The following AKAP13 variants were observed in gnomAD, a reference collection of about 807,000 sequenced individuals.
The protein encoded by AKAP13 is A-kinase anchor protein 13.
A neutral mutation model predicts 264.5 loss-of-function variants in AKAP13; 80 were observed. That is an observed-to-expected ratio of 0.30 (90% CI 0.25 to 0.36). AKAP13 has a LOEUF of 0.36. Ranked by LOEUF, AKAP13 falls within the 10% of genes least tolerant of loss-of-function variation. The probability of loss-of-function intolerance (pLI) is 1.00; values close to 1 mark genes in which losing one functional copy is unlikely to be tolerated. For synonymous variants in AKAP13, 1,380 were observed against 1,250.2 expected, an observed-to-expected ratio of 1.10 and a Z score of -2.19; for missense variants, 3,712 against 3,435.2, an observed-to-expected ratio of 1.08 and a Z score of -2.01.
rs1406263012 is a variant in AKAP13 at position 85,741,279 on chromosome 15, G to A, written c.7842G>A (p.Glu2614=). Reference sequence around the variant, plus strand: ...AAGCTCGTGAGAGGGAGCTGCGGGAGCGGGAGGCCCTCCTGGCCCAGCGCG... The same window carrying A: ...AAGCTCGTGAGAGGGAGCTGCGGGAACGGGAGGCCCTCCTGGCCCAGCGCG... The part of the protein sequence containing the change: ...EWEARERELR[E]REALLAQREE... Residue 2614 remains glutamate, a synonymous_variant, in exon 35 of 37, where the codon GAG becomes GAA. Coordinates refer to ENST00000394518, the MANE Select transcript of AKAP13 (RefSeq NM_007200.5). The A allele has an allele frequency of 1.2e-6, 2 of 1,610,512 alleles. No individual in the cohort carries two copies. Among genetic ancestry groups the A allele is most frequent in the South Asian group, 1.1e-5 (1 of 90,700 alleles).
intron 30 of AKAP13, among the ~76,000 whole-genome samples, chr15:85,733,173 C>T (rs921314752): frequency 6.6e-6 from 1 of 152,180 alleles, no homozygotes; most frequent in Non-Finnish European, 1.5e-5. Context: ...AGTCCATGAG[C>T]TCTTTCATGC....
chr15:85,489,745 A>T (rs2075671980), intron 2 of AKAP13, among the ~76,000 whole-genome samples: 1 of 152,232 alleles, frequency 6.6e-6, no homozygotes, highest in South Asian at 2.1e-4. Context: ...TTTTAATCAG[A>T]CTTTGAATAA....
In AKAP13 at chr15:85,680,926, T is replaced by C. The variant is rs369145562; in HGVS notation, c.5102-1232T>C. Among the ~76,000 whole-genome samples the C allele has an allele frequency of 1.9e-4, 29 of 152,338 alleles. No individual in the cohort carries two copies. In the East Asian group the frequency reaches 5.0e-3, roughly 26 times the overall value. On this transcript the variant is annotated intron_variant, in intron 14 of 36. Coordinates refer to ENST00000394518, the MANE Select transcript of AKAP13 (RefSeq NM_007200.5). ...TCGACCTCCTGGGTTCAAGCAATTCTCCTGCCTCAGCCTCCCGAGTAGCTG... is the reference window on the plus strand; with the variant it reads ...TCGACCTCCTGGGTTCAAGCAATTCCCCTGCCTCAGCCTCCCGAGTAGCTG...
rs369067184 is a variant in AKAP13, at chr15:85,655,793, A to G, written c.4745+6A>G. On this transcript the variant is annotated splice_donor_region_variant and intron_variant, in intron 11 of 36. Transcript: ENST00000394518. Reference sequence around the variant, plus strand: ...GCAGAAATGAACCACCGGAGGTGAGATGGGAGGCGGTTTGTTTAGTGTCTC... The same window carrying G: ...GCAGAAATGAACCACCGGAGGTGAGGTGGGAGGCGGTTTGTTTAGTGTCTC... 1.9e-6 allele frequency: 3 copies of G among 1,599,992 alleles called. No individual in the cohort carries two copies. The South Asian group carries it at 3.3e-5, about 18-fold the overall frequency.
chr15:85,575,424 A>G, intron 6 of AKAP13, 95 bp downstream of exon 6: 1 of 1,272,152 alleles, frequency 7.9e-7, no homozygotes, highest in South Asian at 1.3e-5. Flanking sequence ...ACCTTGATAT[A>G]ATTAGAACAT....
Position 85,533,559 on chromosome 15 carries a change from T to C in AKAP13, c.182-25T>C. On this transcript the variant is annotated intron_variant, in intron 3 of 36. Coordinates refer to ENST00000394518, the MANE Select transcript of AKAP13 (RefSeq NM_007200.5). ...CAGCAGTGAGGCTCTAATACTGTTTTATTTGCTGCCTGTGTTTCCTTTAGG... is the reference window on the plus strand; with the variant it reads ...CAGCAGTGAGGCTCTAATACTGTTTCATTTGCTGCCTGTGTTTCCTTTAGG... The C allele has an allele frequency of 2.5e-6, 4 of 1,578,268 alleles. No individual in the cohort carries two copies. The East Asian group carries it at 9.0e-5, about 35-fold the overall frequency.
intron 1 of AKAP13, among the ~76,000 whole-genome samples, chr15:85,458,432 A>G (rs1338832988): frequency 8.1e-5 from 11 of 136,356 alleles, no homozygotes; most frequent in Non-Finnish European, 1.5e-4. Context: ...GGAGTGCAAC[A>G]CATCTGTATT....
chr15:85,439,737 G>C (rs1011502557), intron 1 of AKAP13, among the ~76,000 whole-genome samples: 86 of 142,242 alleles, frequency 6.0e-4, no homozygotes, highest in Non-Finnish European at 3.0e-4. Context: ...ACCAAACACC[G>C]CATATTCTCA....
At chr15:85,536,747 A>G (rs921409696) in intron 4 of AKAP13, 3 of 152,202 alleles carry the variant, frequency 2.0e-5, no homozygotes, top group Admixed American at 1.3e-4. Context: ...ATGTGATTCT[A>G]TTTATATGAT....
At chr15:85,403,276 A>C (rs960861844) in intron 1 of AKAP13, among the ~76,000 whole-genome samples, 53 of 152,374 alleles carry the variant, frequency 3.5e-4, no homozygotes, top group Admixed American at 2.9e-3. Flanking sequence ...TTTTATGATC[A>C]GTGTGGTGCT....
At chr15:85,576,973 G>C (rs2079035597) in intron 6 of AKAP13, among the ~76,000 whole-genome samples, 1 of 152,130 alleles carries the variant, frequency 6.6e-6, no homozygotes. Flanking sequence ...CCAGATTTCT[G>C]TTTTATAATG....
rs148169963 is a variant in AKAP13, at chr15:85,460,316, T to G, written c.-11-25394T>G. On this transcript the variant is annotated intron_variant, in intron 1 of 36. Transcript: ENST00000394518. Reference sequence around the variant, plus strand: ...ATATGCATTTGTACAGGCTGTTTATTCTCCCTGGAAAGTACACAGCCCCCG... The same window carrying G: ...ATATGCATTTGTACAGGCTGTTTATGCTCCCTGGAAAGTACACAGCCCCCG... Among the ~76,000 whole-genome samples, 1,102 of 152,328 alleles carry G rather than the reference T, an allele frequency of 7.2e-3. 22 individuals are homozygous for G. The highest frequency in any genetic ancestry group is 0.025 in the African/African-American group (1,045 of 41,558).
chr15:85,486,630 G>A (rs546652272), intron 2 of AKAP13, among the ~76,000 whole-genome samples: 1 of 152,042 alleles, frequency 6.6e-6, no homozygotes, highest in South Asian at 2.1e-4. Context: ...TCTTTCAACA[G>A]TGTTTGGTAG....
chr15:85,413,946 T>A (rs2072107424), intron 1 of AKAP13, among the ~76,000 whole-genome samples: 1 of 152,230 alleles, frequency 6.6e-6, no homozygotes, highest in Non-Finnish European at 1.5e-5. Flanking sequence ...ATATGTATAT[T>A]TTAATTATAC....
intron 1 of AKAP13, among the ~76,000 whole-genome samples, chr15:85,463,081 CAG>C (rs1596259774): frequency 7.6e-6 from 1 of 131,964 alleles, no homozygotes; most frequent in Admixed American, 7.4e-5. Flanking sequence ...AATAGCAAAA[CAG>C]AGATGACAGA....
intron 17 of AKAP13, among the ~76,000 whole-genome samples, chr15:85,706,109 T>C (rs763123908): frequency 1.2e-4 from 19 of 152,124 alleles, no homozygotes; most frequent in Non-Finnish European, 2.2e-4. Flanking sequence ...TGAAAGACTT[T>C]AGCTGAGTGG....
intron 29 of AKAP13, 96 bp from the exon 30 acceptor site, chr15:85,730,407 GTCTTGTCACT>G: frequency 8.3e-7 from 1 of 1,211,062 alleles, no homozygotes; most frequent in South Asian, 1.4e-5. Context: ...AGGGTGTCCT[GTCTTGTCACT>G]TTCCATAAAT....
chr15:85,699,269 C>T (rs913599184), intron 17 of AKAP13, among the ~76,000 whole-genome samples: 1 of 151,960 alleles, frequency 6.6e-6, no homozygotes, highest in East Asian at 1.9e-4. Flanking sequence ...CATGGTGAAA[C>T]CCCATCTCTA....
intron 17 of AKAP13, among the ~76,000 whole-genome samples, chr15:85,705,830 C>A (rs998215709): frequency 1.4e-5 from 2 of 138,006 alleles, no homozygotes; most frequent in Non-Finnish European, 3.2e-5. Context: ...AGGACAAGGA[C>A]TGTCATGAAT....
Sources: gnomAD v4.1 joint callset for allele counts (sites outside exome capture counted in the v4.1 genomes callset) on GRCh38, gnomAD v4.1.1 for gene constraint, MANE v1.5 for transcripts, NCBI Gene and HGNC (gene_info 2026-07-23, HGNC 2026-07-21) for gene names.